Variants in PACSIN2 observed in about 807,000 individuals in gnomAD.
The protein encoded by PACSIN2 is protein kinase C and casein kinase substrate in neurons protein 2.
A neutral mutation model predicts 63.8 loss-of-function variants in PACSIN2; 25 were observed. The ratio of observed to expected loss-of-function variants is 0.39; its 90% CI spans 0.29 to 0.55. The LOEUF (loss-of-function observed/expected upper bound fraction) is 0.55, where lower values mean the gene tolerates loss of function less well. PACSIN2 is among the 20% of genes least tolerant of loss of function. The probability of loss-of-function intolerance (pLI) is 0.62; values close to 1 mark genes in which losing one functional copy is unlikely to be tolerated. For missense variants in PACSIN2, 518 were observed against 646.9 expected (o/e 0.80, Z 2.16); for synonymous variants, 255 against 256.2 (o/e 1.00, Z 0.05).
chr22:42,874,505 C>A (rs560462525), intron 10 of PACSIN2, among the ~76,000 whole-genome samples: 118 of 152,268 alleles, frequency 7.7e-4, no homozygotes, highest in African/African-American at 2.8e-3. Context: ...TAGGTGTGGG[C>A]AGGTAGGTGT....
At chr22:42,952,365 C>CT (rs940780523) in intron 1 of PACSIN2, among the ~76,000 whole-genome samples, 33 of 150,880 alleles carry the variant, frequency 2.2e-4, no homozygotes, top group Middle Eastern at 3.2e-3. Context: ...TTAAGTTTAT[C>CT]TTTTTTTTGA....
chr22:42,916,585 C>G (rs1931825228), intron 1 of PACSIN2, among the ~76,000 whole-genome samples: 1 of 152,104 alleles, frequency 6.6e-6, no homozygotes, highest in Admixed American at 6.6e-5. Flanking sequence ...ATGGGACTCT[C>G]CTGGCTCCCC....
Position 42,876,759 on chromosome 22 carries a change from C to T in PACSIN2, c.1151+129G>A, listed in dbSNP as rs182680442. 121 of 1,227,438 alleles carry T rather than the reference C, an allele frequency of 9.9e-5. No homozygotes were observed. The African/African-American group carries it at 1.0e-3, about 10-fold the overall frequency. The allele number at this position is 1,227,438 out of a possible 1,614,324, so 76.0% of individuals were successfully genotyped here. A position where few individuals can be genotyped will look rare whatever the true frequency, so the allele number is the denominator to read the frequency against. ...GCAGGTAGTGGGCCAGGGTGCGGCA[C>T]GCCAGGTGCCCACTTCCTGCAGAGC... On this transcript the variant is annotated intron_variant, in intron 9 of 10. Coordinates refer to ENST00000263246, the MANE Select transcript of PACSIN2 (RefSeq NM_001184970.3).
chr22:42,971,478 C>G (rs1921263505), intron 1 of PACSIN2, among the ~76,000 whole-genome samples: 1 of 152,196 alleles, frequency 6.6e-6, no homozygotes, highest in Non-Finnish European at 1.5e-5. Context: ...CCCAAAGTGC[C>G]AAGAGTGCAG....
chr22:42,991,608 C>A (rs1406881267), intron 1 of PACSIN2, among the ~76,000 whole-genome samples: 1 of 152,196 alleles, frequency 6.6e-6, no homozygotes, highest in African/African-American at 2.4e-5. Context: ...TGATAGAGCT[C>A]CTGCTGTCAG....
chr22:42,971,054 T>C (rs547290313), intron 1 of PACSIN2, among the ~76,000 whole-genome samples: 4 of 152,230 alleles, frequency 2.6e-5, no homozygotes, highest in South Asian at 4.2e-4. Context: ...CTAAAAACAA[T>C]GAAAGGAGGT....
intron 1 of PACSIN2, among the ~76,000 whole-genome samples, chr22:42,986,063 C>G (rs1922590002): frequency 6.6e-6 from 1 of 152,196 alleles, no homozygotes; most frequent in African/African-American, 2.4e-5. Context: ...GATCCCCTTG[C>G]TCTGTAGTTT....
chr22:42,873,656 C>T (rs1236010263), intron 10 of PACSIN2, among the ~76,000 whole-genome samples: 2 of 152,236 alleles, frequency 1.3e-5, no homozygotes, highest in Non-Finnish European at 2.9e-5. Context: ...TCTGGCCCAG[C>T]TTCCCTCTTG....
At chr22:42,949,316 C>T (rs1933573716) in intron 1 of PACSIN2, among the ~76,000 whole-genome samples, 1 of 152,170 alleles carries the variant, frequency 6.6e-6, no homozygotes, top group African/African-American at 2.4e-5. Context: ...ATGACTCCTC[C>T]TGGCCTCTCT....
intron 1 of PACSIN2, among the ~76,000 whole-genome samples, chr22:42,918,322 T>C (rs543694142): frequency 1.3e-5 from 2 of 152,284 alleles, no homozygotes; most frequent in East Asian, 1.9e-4. Flanking sequence ...GCCTGGAGTC[T>C]GCCATGTTTG....
At chr22:42,958,102 A>AT (rs1933989408) in intron 1 of PACSIN2, among the ~76,000 whole-genome samples, 1 of 152,182 alleles carries the variant, frequency 6.6e-6, no homozygotes, top group African/African-American at 2.4e-5. Flanking sequence ...TAGAAAAAAA[A>AT]AACACTCTTA....
intron 1 of PACSIN2, among the ~76,000 whole-genome samples, chr22:42,932,172 TTCTC>T (rs894977003): frequency 1.3e-5 from 2 of 152,216 alleles, no homozygotes; most frequent in African/African-American, 4.8e-5. Flanking sequence ...GCACAGGATC[TTCTC>T]TCTGTTTCTT....
chr22:42,958,306 C>A (rs1933997429), intron 1 of PACSIN2, among the ~76,000 whole-genome samples: 1 of 152,036 alleles, frequency 6.6e-6, no homozygotes, highest in African/African-American at 2.4e-5. Flanking sequence ...GTCCAAGAGC[C>A]ATTACAGCTC....
chr22:42,893,242 G>C (rs1302857159), intron 3 of PACSIN2, among the ~76,000 whole-genome samples: 1 of 152,226 alleles, frequency 6.6e-6, no homozygotes, highest in Non-Finnish European at 1.5e-5. Context: ...GTGTCCCCAA[G>C]GAAAGTGGAC....
chr22:42,989,927 T>C (rs1184314735), intron 1 of PACSIN2, among the ~76,000 whole-genome samples: 1 of 148,266 alleles, frequency 6.7e-6, no homozygotes, highest in Admixed American at 6.7e-5. Context: ...TGTGTATATA[T>C]AGGTAAGATG....
chr22:42,904,824 G>A (rs1930956700), intron 2 of PACSIN2, among the ~76,000 whole-genome samples: 2 of 152,100 alleles, frequency 1.3e-5, no homozygotes, highest in African/African-American at 2.4e-5. Context: ...CCCACTAGTG[G>A]AATGTGGGCT....
chr22:42,925,255 G>A (rs1036347683), intron 1 of PACSIN2, among the ~76,000 whole-genome samples: 19 of 152,050 alleles, frequency 1.2e-4, no homozygotes, highest in East Asian at 5.8e-4. Flanking sequence ...CGAGGCTGGC[G>A]GATCACTTGA....
chr22:42,924,321 G>C (rs926797080), intron 1 of PACSIN2, among the ~76,000 whole-genome samples: 2 of 152,148 alleles, frequency 1.3e-5, no homozygotes, highest in Admixed American at 1.3e-4. Flanking sequence ...CAGTAACTCA[G>C]TGTTTTGTAT....
chr22:42,917,731 A>T (rs552876680), intron 1 of PACSIN2, among the ~76,000 whole-genome samples: 1 of 152,296 alleles, frequency 6.6e-6, no homozygotes, highest in Non-Finnish European at 1.5e-5. Flanking sequence ...GCCTTTCAGA[A>T]GATGTTAGTA....
Sources: allele counts gnomAD v4.1 joint callset (sites outside exome capture counted in the v4.1 genomes callset), GRCh38; gene constraint gnomAD v4.1.1; transcripts MANE v1.5; gene names NCBI Gene and HGNC (gene_info 2026-07-23, HGNC 2026-07-21).